Variants in HORMAD2 observed in about 807,000 individuals in gnomAD.
HORMAD2 encodes HORMA domain-containing protein 2.
HORMAD2 carries 45 observed loss-of-function variants against 38.8 expected under a neutral mutation model. That is an observed-to-expected ratio of 1.16 (90% CI 0.91 to 1.49). The LOEUF is 1.49. Ranked by LOEUF, HORMAD2 falls within the 40% of genes most tolerant of loss-of-function variation. The pLI, the probability that HORMAD2 is intolerant of heterozygous loss-of-function variation, is 0.00. For synonymous variants in HORMAD2, 126 were observed against 122.8 expected, an observed-to-expected ratio of 1.03 and a Z score of -0.17; for missense variants, 338 against 367.0, an observed-to-expected ratio of 0.92 and a Z score of 0.65.
At chr22:30,168,785 A>G (rs1377677171) in intron 10 of HORMAD2, among the ~76,000 whole-genome samples, 2 of 151,994 alleles carry the variant, frequency 1.3e-5, no homozygotes, top group Non-Finnish European at 2.9e-5. Context: ...TGCTCAGATC[A>G]TTCATTTTCT....
At chr22:30,196,655 C>G in the HORMAD2 span, among the ~76,000 whole-genome samples, 1 of 152,178 alleles carries the variant, frequency 6.6e-6, no homozygotes, top group African/African-American at 2.4e-5. Context: ...GTGGAGGAGG[C>G]AGTGATGCAA....
intron 1 of HORMAD2, among the ~76,000 whole-genome samples, chr22:30,085,547 G>C (rs2068555668): frequency 6.6e-6 from 1 of 151,910 alleles, no homozygotes; most frequent in South Asian, 2.1e-4. Flanking sequence ...TGAGGTCAGG[G>C]GTTCTAGACC....
In HORMAD2 at chr22:30,176,722, C is replaced by T. The variant is rs1335877674; in HGVS notation, c.*555C>T. ...ATGTGCCCTGCCTCAACTCTGGCCC[C>T]AGGCCCTGTTCTGTTATCCAATCCG... On this transcript the variant is annotated 3_prime_UTR_variant, in exon 11 of 11. Coordinates refer to ENST00000336726, the MANE Select transcript of HORMAD2 (RefSeq NM_152510.4). 1 of 153,020 alleles carries T rather than the reference C, an allele frequency of 6.5e-6. No individual in the cohort carries two copies. Among genetic ancestry groups the T allele is most frequent in the African/African-American group, 2.4e-5 (1 of 41,454 alleles). The allele number at this position is 153,020 out of a possible 1,614,324, so 9.5% of individuals were successfully genotyped here. A position where few individuals can be genotyped will look rare whatever the true frequency, so the allele number is the denominator to read the frequency against.
intron 10 of HORMAD2, among the ~76,000 whole-genome samples, 189 bp from the exon 11 acceptor site, chr22:30,175,874 A>C (rs1926424602): frequency 6.6e-6 from 1 of 152,180 alleles, no homozygotes; most frequent in Non-Finnish European, 1.5e-5. Context: ...CAGCTCCTGA[A>C]ACTTGGAATA....
chr22:30,148,973 C>A (rs555965183), intron 10 of HORMAD2, among the ~76,000 whole-genome samples: 1 of 151,248 alleles, frequency 6.6e-6, no homozygotes. Context: ...AGCGAGACTC[C>A]GTCTCGAAAA....
intron 2 of HORMAD2, among the ~76,000 whole-genome samples, chr22:30,096,115 A>G (rs2068777170): frequency 6.6e-6 from 1 of 152,188 alleles, no homozygotes; most frequent in Non-Finnish European, 1.5e-5. Context: ...GTATAGTTAC[A>G]GATCATTCAT....
At chr22:30,181,130 C>T (rs184282360), downstream of HORMAD2, among the ~76,000 whole-genome samples, 436 of 151,728 alleles carry the variant, frequency 2.9e-3, 3 homozygotes, top group Middle Eastern at 0.01. Flanking sequence ...CCCACCTCAG[C>T]CTCCTCCTAA....
At chr22:30,142,376 C>CTA (rs140929173) in intron 10 of HORMAD2, among the ~76,000 whole-genome samples, 72 of 151,664 alleles carry the variant, frequency 4.7e-4, no homozygotes, top group African/African-American at 1.1e-3. Context: ...GTATAGTGTT[C>CTA]TATATATATA....
Position 30,098,931 on chromosome 22 carries a change from C to T in HORMAD2, c.131C>T (p.Ser44Leu). 6.2e-7 allele frequency: 1 copy of T among 1,613,318 alleles called. No individual in the cohort carries two copies. The highest frequency in any genetic ancestry group is 8.5e-7 in the Non-Finnish European group (1 of 1,179,378). Residue 44 changes from serine to leucine, a missense_variant, in exon 3 of 11, where the codon TCA becomes TTA. Ser to Leu is a moderately radical substitution (Grantham distance 145). Transcript: ENST00000336726. The part of the protein sequence containing the change: ...MVKKLFATSI[S>L]CITYLRGLFP... ...AAGAAACTTTTTGCTACTTCCATCT[C>T]ATGTATAACATACCTAAGGGGCCTG...
chr22:30,157,757 G>A (rs148091759), intron 10 of HORMAD2, among the ~76,000 whole-genome samples: 23 of 152,070 alleles, frequency 1.5e-4, no homozygotes, highest in African/African-American at 5.5e-4. Flanking sequence ...GAAAGACTTC[G>A]GTATTGAATA....
upstream of HORMAD2, among the ~76,000 whole-genome samples, chr22:30,079,147 TAAG>T (rs1022843671): frequency 1.3e-5 from 2 of 151,996 alleles, no homozygotes; most frequent in South Asian, 2.1e-4. Context: ...AGAAACAAAA[TAAG>T]AACAGGTTTC....
At chr22:30,137,399 G>T in intron 10 of HORMAD2, 2 of 460,534 alleles carry the variant, frequency 4.3e-6, no homozygotes, top group South Asian at 3.4e-5. Context: ...AATGGGTCAA[G>T]GTATTTGAGC....
chr22:30,139,062 C>T (rs1268971893), intron 10 of HORMAD2, among the ~76,000 whole-genome samples: 1 of 151,534 alleles, frequency 6.6e-6, no homozygotes, highest in African/African-American at 2.4e-5. Flanking sequence ...CAGCAGATTG[C>T]CTTAGACTTC....
At chr22:30,083,665 G>T (rs1333312116) in intron 1 of HORMAD2, among the ~76,000 whole-genome samples, 1 of 152,122 alleles carries the variant, frequency 6.6e-6, no homozygotes, top group East Asian at 1.9e-4. Context: ...GCCCAGGCTG[G>T]AGTGCAATGG....
intron 10 of HORMAD2, among the ~76,000 whole-genome samples, chr22:30,159,024 C>T (rs1486358226): frequency 6.6e-6 from 1 of 152,160 alleles, no homozygotes; most frequent in Non-Finnish European, 1.5e-5. Flanking sequence ...ATCAATTTCA[C>T]ATCTCATTTT....
At chr22:30,112,428 A>G (rs1921734816) in intron 6 of HORMAD2, 68 bp from the exon 7 acceptor site, 2 of 747,036 alleles carry the variant, frequency 2.7e-6, no homozygotes, top group Non-Finnish European at 4.5e-6. Context: ...CTATATAAAA[A>G]AGGTATTTGA....
chr22:30,121,828 T>C, intron 9 of HORMAD2, 39 bp downstream of exon 9: 2 of 1,574,836 alleles, frequency 1.3e-6, no homozygotes, highest in Admixed American at 1.9e-5. Flanking sequence ...CCTTAAGTGC[T>C]GAGCTAATAT....
chr22:30,119,233 G>A (rs190263393), intron 8 of HORMAD2, among the ~76,000 whole-genome samples, 186 bp downstream of exon 8: 1 of 152,298 alleles, frequency 6.6e-6, no homozygotes, highest in Non-Finnish European at 1.5e-5. Flanking sequence ...TTAAGCTGGT[G>A]GGAATAGAGA....
At chr22:30,115,929 A>G (rs1464371418) in intron 7 of HORMAD2, among the ~76,000 whole-genome samples, 2 of 152,228 alleles carry the variant, frequency 1.3e-5, no homozygotes, top group African/African-American at 4.8e-5. Context: ...GGGCAATGGC[A>G]TGTGACAGGC....
Sources: allele counts gnomAD v4.1 joint callset (sites outside exome capture counted in the v4.1 genomes callset), GRCh38; gene constraint gnomAD v4.1.1; transcripts MANE v1.5; gene names NCBI Gene and HGNC (gene_info 2026-07-23, HGNC 2026-07-21).